The following RHCE variants were observed in gnomAD, a reference collection of about 807,000 sequenced individuals.
The protein encoded by RHCE is blood group Rh(CE) polypeptide.
In RHCE, 22 loss-of-function variants were observed where a neutral mutation model predicts 43.8. The ratio of observed to expected loss-of-function variants is 0.50; its 90% CI spans 0.36 to 0.72. RHCE has a LOEUF of 0.72. Among genes scored for constraint, RHCE ranks in the 30% least tolerant of loss-of-function variants. The probability of loss-of-function intolerance (pLI) is 0.00; values close to 1 mark genes in which losing one functional copy is unlikely to be tolerated. For synonymous variants in RHCE, 156 were observed against 210.7 expected, an observed-to-expected ratio of 0.74 and a Z score of 2.25; for missense variants, 385 against 525.4, an observed-to-expected ratio of 0.73 and a Z score of 2.61.
intron 2 of RHCE, among the ~76,000 whole-genome samples, chr1:25,408,086 G>C (rs1160731562): frequency 1.6e-5 from 2 of 122,550 alleles, no homozygotes; most frequent in African/African-American, 5.1e-5. Context: ...TCAGGAGTTT[G>C]AGACTAGCCT....
chr1:25,424,760 C>T (rs1320856285), upstream of RHCE, among the ~76,000 whole-genome samples: 1 of 151,992 alleles, frequency 6.6e-6, no homozygotes, highest in Non-Finnish European at 1.5e-5. Flanking sequence ...CCTTGTGTTC[C>T]CCTTTTAGTT....
chr1:25,394,355 C>T (rs1388693234), intron 3 of RHCE, among the ~76,000 whole-genome samples: 7 of 152,074 alleles, frequency 4.6e-5, no homozygotes, highest in African/African-American at 1.7e-4. Flanking sequence ...GCCCTCCCAG[C>T]ACCCTGCCAT....
At chr1:25,379,487 ATATATATATTTTTTTTTTTT>A (rs1257403742) in intron 7 of RHCE, among the ~76,000 whole-genome samples, 43 of 20,938 alleles carry the variant, frequency 2.1e-3, no homozygotes, top group African/African-American at 9.3e-3. Flanking sequence ...ATATATATAT[ATATATATATTTTTTTTTTTT>A]TTTTTTTTTT....
At chr1:25,404,750 G>C (rs1364615330) in intron 2 of RHCE, among the ~76,000 whole-genome samples, 1 of 151,878 alleles carries the variant, frequency 6.6e-6, no homozygotes, top group Non-Finnish European at 1.5e-5. Flanking sequence ...CTGTGCCTTG[G>C]TGCCTCCATT....
chr1:25,377,702 G>C (rs1464062316), intron 7 of RHCE, among the ~76,000 whole-genome samples: 2 of 152,176 alleles, frequency 1.3e-5, no homozygotes, highest in Non-Finnish European at 2.9e-5. Flanking sequence ...AGATCAGCCT[G>C]GCCAACATGG....
At chr1:25,386,406 T>C (rs1646162074) in intron 6 of RHCE, among the ~76,000 whole-genome samples, 1 of 152,224 alleles carries the variant, frequency 6.6e-6, no homozygotes, top group East Asian at 1.9e-4. Flanking sequence ...TCTAGATCCC[T>C]ACTCAGTAAT....
chr1:25,385,412 C>A (rs138000739), intron 7 of RHCE: 8,800 of 447,920 alleles, frequency 0.02, 574 homozygotes, highest in African/African-American at 0.15. Context: ...GAACCACAGT[C>A]TCAATTGGCT....
At chr1:25,380,624 A>G (rs28795131) in intron 7 of RHCE, among the ~76,000 whole-genome samples, 8,412 of 152,132 alleles carry the variant, frequency 0.055, 674 homozygotes, top group African/African-American at 0.19. Flanking sequence ...GTATGCTGCC[A>G]AGGTTTATGA....
Position 25,400,332 on chromosome 1 carries a change from AC to A in RHCE, c.486+2263del, listed in dbSNP as rs1397322985. Among the ~76,000 whole-genome samples the A allele has an allele frequency of 2.6e-5, 4 of 152,120 alleles. No homozygotes were observed. The East Asian group carries it at 7.7e-4, about 29-fold the overall frequency. ...GGTCTCCTTGTCAAATCCAATGGCTACTTCCCAGCCCTCATCCGACTTGACC... is the reference window on the plus strand; with the variant it reads ...GGTCTCCTTGTCAAATCCAATGGCTATTCCCAGCCCTCATCCGACTTGACC... On this transcript the variant is annotated intron_variant, in intron 3 of 9. Coordinates refer to ENST00000294413, the MANE Select transcript of RHCE (RefSeq NM_020485.8).
At chr1:25,395,858 G>A (rs1348917571) in intron 3 of RHCE, among the ~76,000 whole-genome samples, 1 of 151,704 alleles carries the variant, frequency 6.6e-6, no homozygotes, top group African/African-American at 2.4e-5. Context: ...ATTTATTCAG[G>A]GAAGAATCAA....
chr1:25,391,909 G>A (rs567798161), intron 4 of RHCE, 85 bp downstream of exon 4: 292 of 1,596,006 alleles, frequency 1.8e-4, no homozygotes, highest in Non-Finnish European at 2.4e-4. Flanking sequence ...AGTTGGTAAA[G>A]GAGGGAGATT....
intron 3 of RHCE, among the ~76,000 whole-genome samples, chr1:25,397,820 G>A (rs1469922671): frequency 3.4e-5 from 5 of 146,856 alleles, no homozygotes; most frequent in East Asian, 2.0e-4. Flanking sequence ...TGTTGCCTCC[G>A]AAGCCTCAGT....
intron 5 of RHCE, 138 bp from the exon 6 acceptor site, chr1:25,389,251 C>G: frequency 6.8e-7 from 1 of 1,469,364 alleles, no homozygotes. Context: ...CACCTCTCCC[C>G]TGTGTTGGGG....
chr1:25,377,033 C>T lies in RHCE; in HGVS notation c.1074-1605G>A, dbSNP rs182888638. Among the ~76,000 whole-genome samples, 433 of 152,252 alleles carry T rather than the reference C, an allele frequency of 2.8e-3. 2 individuals are homozygous for T. The highest frequency in any genetic ancestry group is 0.021 in the Middle Eastern group (6 of 292). ...CCCAACCATTCAGGCAGCCATCCCC[C>T]CTTCCGTGTGGCAAGCTCCAGGCCC... On this transcript the variant is annotated intron_variant, in intron 7 of 9. Transcript: ENST00000294413.
intron 7 of RHCE, among the ~76,000 whole-genome samples, chr1:25,375,833 T>TCTCA (rs1454489341): frequency 3.0e-4 from 40 of 131,158 alleles, no homozygotes; most frequent in Middle Eastern, 3.7e-3. Context: ...TGAGATGGAG[T>TCTCA]CTCACTCTGT....
rs114908674 is a variant in RHCE at position 25,379,161 on chromosome 1, G to A, written c.1074-3733C>T. On this transcript the variant is annotated intron_variant, in intron 7 of 9. Transcript: ENST00000294413. ...CATCTGTTGAGGACCTTCTTGCTGT[G>A]CCATAACATGGCAGAGGGTATCACA... is the stretch of plus-strand genomic sequence containing the variant. 7.5e-3 allele frequency among the ~76,000 whole-genome samples: 1,140 copies of A among 151,990 alleles called. 17 individuals are homozygous for A. The highest frequency in any genetic ancestry group is 0.026 in the African/African-American group (1,094 of 41,426).
rs189062271 is a variant in RHCE, at chr1:25,414,576, T to C, written c.149-5707A>G. 3.5e-3 allele frequency among the ~76,000 whole-genome samples: 537 copies of C among 152,228 alleles called. 7 individuals are homozygous for C. The highest frequency in any genetic ancestry group is 3.1e-3 in the East Asian group (16 of 5,174). On this transcript the variant is annotated intron_variant, in intron 1 of 9. Coordinates refer to ENST00000294413, the MANE Select transcript of RHCE (RefSeq NM_020485.8). ...GGAAGGTGCCAGGGTTTGGAGTGTT[T>C]ACATGTCACTGGGAAAACTCCTCTG...
chr1:25,395,346 G>A (rs1418985024), intron 3 of RHCE, among the ~76,000 whole-genome samples: 1 of 151,490 alleles, frequency 6.6e-6, no homozygotes, highest in South Asian at 2.1e-4. Flanking sequence ...TGGGTGGGTG[G>A]AGGGGACACG....
upstream of RHCE, among the ~76,000 whole-genome samples, chr1:25,423,143 C>A (rs1343245591): frequency 6.6e-6 from 1 of 152,144 alleles, no homozygotes; most frequent in East Asian, 1.9e-4. Context: ...TACCCCAATC[C>A]CCAGAGGTCA....
Sources: allele counts gnomAD v4.1 joint callset (sites outside exome capture counted in the v4.1 genomes callset), GRCh38; gene constraint gnomAD v4.1.1; transcripts MANE v1.5; gene names NCBI Gene and HGNC (gene_info 2026-07-23, HGNC 2026-07-21).